SUSD1: variants seen among roughly 807,000 people sequenced by gnomAD.
The protein encoded by SUSD1 is sushi domain containing 1.
In SUSD1, 65 loss-of-function variants were observed where a neutral mutation model predicts 86.9. The ratio of observed to expected loss-of-function variants is 0.75; its 90% confidence interval spans 0.61 to 0.92. The LOEUF (loss-of-function observed/expected upper bound fraction) is 0.92, where lower values mean the gene tolerates loss of function less well. SUSD1 is among the 40% of genes least tolerant of loss of function. The pLI is 0.00. For synonymous variants in SUSD1, 346 were observed against 350.0 expected (o/e 0.99, Z 0.13); for missense variants, 850 against 929.7 (o/e 0.91, Z 1.11).
intron 12 of SUSD1, among the ~76,000 whole-genome samples, chr9:112,065,737 T>C (rs921859149): frequency 6.6e-6 from 1 of 152,184 alleles, no homozygotes; most frequent in Non-Finnish European, 1.5e-5. Flanking sequence ...CTATCACTTA[T>C]ACCTCCAGCA....
intron 12 of SUSD1, among the ~76,000 whole-genome samples, chr9:112,063,822 TCTTA>T (rs900120124): frequency 6.6e-5 from 10 of 152,254 alleles, no homozygotes; most frequent in Admixed American, 2.0e-4. Context: ...ATATGCCCCA[TCTTA>T]CTTAATCTTC....
chr9:112,049,133 TG>T (rs1315741985), intron 15 of SUSD1, among the ~76,000 whole-genome samples: 2 of 152,184 alleles, frequency 1.3e-5, no homozygotes, highest in African/African-American at 4.8e-5. Flanking sequence ...CCGTCATCCC[TG>T]CTACAGGTAG....
chr9:112,145,592 T>C (rs1358809081), intron 3 of SUSD1, among the ~76,000 whole-genome samples: 1 of 152,208 alleles, frequency 6.6e-6, no homozygotes, highest in Admixed American at 6.5e-5. Context: ...AATTTCTTTT[T>C]CTTAAATGAC....
rs760478947 is a variant in SUSD1 at position 112,098,532 on chromosome 9, A to ACATT, written c.1408_1411dup (p.Val471GlufsTer9). 6.2e-7 allele frequency: 1 copy of ACATT among 1,614,214 alleles called. No homozygotes were observed. The highest frequency in any genetic ancestry group is 1.1e-5 in the South Asian group (1 of 91,090). Reference sequence around the variant, plus strand: ...CCGCTTAGGAGATCTCAGCAGGGTCACATTCACCGTATAATCAGTCGTAGG... The same window carrying ACATT: ...CCGCTTAGGAGATCTCAGCAGGGTCACATTCATTCACCGTATAATCAGTCGTAGG... On this transcript the variant is annotated frameshift_variant, in exon 10 of 17. Transcript: ENST00000374270. LOFTEE classifies it high-confidence loss of function.
chr9:112,078,707 C>G lies in SUSD1; in HGVS notation c.1584G>C (p.Gln528His). The G allele has an allele frequency of 1.2e-6, 2 of 1,612,960 alleles. No homozygotes were observed. The highest frequency in any genetic ancestry group is 1.7e-4 in the Middle Eastern group (1 of 6,058). Residue 528 changes from glutamine (Q) to histidine (H), a missense_variant, in exon 12 of 17, where the codon CAG (glutamine) becomes CAC (histidine). Transcript: ENST00000374270. ...GGGCAAATTCCTTCTGATACCATCT[C>G]TGGCCCCAAATGTGGAACTGAAACA... is the stretch of plus-strand genomic sequence containing the variant. The part of the protein sequence containing the change: ...EEMYLFHIWG[Q>H]RWYQKEFAQE...
chr9:112,126,624 C>A (rs1261067899), intron 5 of SUSD1, among the ~76,000 whole-genome samples: 1 of 152,066 alleles, frequency 6.6e-6, no homozygotes, highest in African/African-American at 2.4e-5. Context: ...CAGCAAGAGA[C>A]ATTTAGAGAG....
At chr9:112,172,464 C>A (rs1834086221) in intron 1 of SUSD1, among the ~76,000 whole-genome samples, 1 of 152,198 alleles carries the variant, frequency 6.6e-6, no homozygotes, top group African/African-American at 2.4e-5. Flanking sequence ...CTCCAAGAAT[C>A]CTCTCCAAGG....
At chr9:112,065,831 A>G (rs1375006011) in intron 12 of SUSD1, among the ~76,000 whole-genome samples, 1 of 152,250 alleles carries the variant, frequency 6.6e-6, no homozygotes, top group Non-Finnish European at 1.5e-5. Context: ...ATAATGATTA[A>G]CAATAATAGT....
chr9:112,041,429 G>A lies in SUSD1; in HGVS notation c.*63C>T. 1 of 780,640 alleles carries A rather than the reference G, an allele frequency of 1.3e-6. No individual in the cohort carries two copies. The highest frequency in any genetic ancestry group is 1.3e-5 in the South Asian group (1 of 74,576). 48.4% of individuals were successfully genotyped at this position (780,640 alleles called of 1,614,324 possible). On this transcript the variant is annotated 3_prime_UTR_variant, in exon 17 of 17. Transcript: ENST00000374270. ...ACACGGAGCCTCTGTGCGGGCACCT[G>A]AGAAGCTGCCAGAACACCTGCCCAG...
Position 112,124,402 on chromosome 9 carries a change from G to A in SUSD1, c.741C>T (p.His247=), listed in dbSNP as rs778811548. ...INCGNPPEMR[H]AILVGNHSSR... is the part of the protein sequence containing the mutation. ...AGCTGTGATTTCCTACCAAGATGGC[G>A]TGCCGCATTTCTGGAGGGTTGCCAC... Residue 247 remains histidine (H), a synonymous_variant, in exon 6 of 17, where the codon CAC becomes CAT. Transcript: ENST00000374270. The A allele has an allele frequency of 2.5e-6, 4 of 1,614,082 alleles. No homozygotes were observed. Among genetic ancestry groups the A allele is most frequent in the Non-Finnish European group, 3.4e-6 (4 of 1,179,958 alleles).
chr9:112,045,234 C>G (rs1238212245), intron 15 of SUSD1, among the ~76,000 whole-genome samples: 2 of 152,192 alleles, frequency 1.3e-5, no homozygotes, highest in Non-Finnish European at 2.9e-5. Context: ...ATCCGATCTA[C>G]CCAGTATTCC....
chr9:112,100,090 C>T (rs964242091), intron 9 of SUSD1, among the ~76,000 whole-genome samples: 2 of 152,188 alleles, frequency 1.3e-5, no homozygotes, highest in Non-Finnish European at 1.5e-5. Flanking sequence ...TTAGGCAATA[C>T]GTCTATTTTC....
chr9:112,142,711 T>C (rs1034609922), intron 4 of SUSD1: 11 of 466,972 alleles, frequency 2.4e-5, no homozygotes, highest in Non-Finnish European at 2.6e-5. Flanking sequence ...CATCTATACA[T>C]GCACAAAGCT....
At chr9:112,048,601 C>T (rs757997523) in intron 15 of SUSD1, among the ~76,000 whole-genome samples, 5 of 152,190 alleles carry the variant, frequency 3.3e-5, no homozygotes, top group Non-Finnish European at 7.3e-5. Context: ...GGCTCTGTTC[C>T]TCCTCTTCAA....
rs1283362021 is a variant in SUSD1, at chr9:112,119,603, G to GT, written c.886+4653_886+4654insA. ...AATCATTAACTCAGATTCTAAACAT[G>GT]AAAAGCCAAATGGCCTGTGCAGAAT... is the stretch of plus-strand genomic sequence containing the variant. On this transcript the variant is annotated intron_variant, in intron 6 of 16. Transcript: ENST00000374270. Among the ~76,000 whole-genome samples, 19 of 152,342 alleles carry GT rather than the reference G, an allele frequency of 1.2e-4. No homozygotes were observed. In the East Asian group the frequency reaches 3.7e-3, roughly 29 times the overall value.
intron 10 of SUSD1, among the ~76,000 whole-genome samples, chr9:112,096,884 A>G (rs953702132): frequency 6.6e-6 from 1 of 152,136 alleles, no homozygotes; most frequent in Non-Finnish European, 1.5e-5. Flanking sequence ...TAATAATTGG[A>G]GGGAATTCAT....
intron 6 of SUSD1, among the ~76,000 whole-genome samples, chr9:112,120,219 A>T (rs1052033666): frequency 2.0e-4 from 31 of 152,130 alleles, no homozygotes; most frequent in African/African-American, 7.2e-4. Context: ...AGGCAGAAGG[A>T]TCGCTTGAGC....
intron 1 of SUSD1, among the ~76,000 whole-genome samples, chr9:112,161,570 C>G (rs1833571478): frequency 6.6e-6 from 1 of 151,920 alleles, no homozygotes; most frequent in South Asian, 2.1e-4. Context: ...TGCCTGTAAT[C>G]CCAGCACTTC....
At chr9:112,115,230 T>C (rs1445166909) in intron 6 of SUSD1, among the ~76,000 whole-genome samples, 4 of 152,192 alleles carry the variant, frequency 2.6e-5, no homozygotes, top group East Asian at 3.9e-4. Context: ...TAGCTTTGGA[T>C]TGACCCAGAT....
Sources: allele counts gnomAD v4.1 joint callset (sites outside exome capture counted in the v4.1 genomes callset), GRCh38; gene constraint gnomAD v4.1.1; transcripts MANE v1.5; gene names NCBI Gene and HGNC (gene_info 2026-07-23, HGNC 2026-07-21).